The following HPSE2 variants were observed in gnomAD, a reference collection of about 807,000 sequenced individuals.
HPSE2 encodes the protein inactive heparanase-2.
In HPSE2, 38 loss-of-function variants were observed where a neutral mutation model predicts 60.5. The ratio of observed to expected loss-of-function variants is 0.63; its 90% CI spans 0.48 to 0.82. HPSE2 has a LOEUF of 0.82. Among genes scored for constraint, HPSE2 ranks in the 40% least tolerant of loss-of-function variants. HPSE2 has a pLI of 0.00. For synonymous variants in HPSE2, 295 were observed against 293.2 expected, an observed-to-expected ratio of 1.01 and a Z score of -0.06; for missense variants, 713 against 740.4, an observed-to-expected ratio of 0.96 and a Z score of 0.43.
chr10:99,295,917 A>G, the HPSE2 span, among the ~76,000 whole-genome samples: 1 of 152,250 alleles, frequency 6.6e-6, no homozygotes, highest in African/African-American at 2.4e-5. Flanking sequence ...ACAGGCCAGC[A>G]TAACCTTTAG....
At chr10:99,087,044 T>C (rs1377180686) in intron 3 of HPSE2, among the ~76,000 whole-genome samples, 3 of 152,198 alleles carry the variant, frequency 2.0e-5, no homozygotes, top group Admixed American at 6.5e-5. Context: ...AAGCTAAAAT[T>C]ATAGAATGAA....
chr10:99,248,500 A>G, the HPSE2 span, among the ~76,000 whole-genome samples: 11 of 152,350 alleles, frequency 7.2e-5, no homozygotes, highest in Middle Eastern at 3.4e-3. Flanking sequence ...ATGCACACTC[A>G]TGAGCAAAAA....
At chr10:98,791,833 T>C (rs931781091) in intron 3 of HPSE2, among the ~76,000 whole-genome samples, 4 of 152,238 alleles carry the variant, frequency 2.6e-5, no homozygotes, top group Non-Finnish European at 4.4e-5. Flanking sequence ...AGTTTTCTGA[T>C]GTATAATTCC....
the HPSE2 span, among the ~76,000 whole-genome samples, chr10:99,306,213 TAA>T: frequency 6.6e-6 from 1 of 152,184 alleles, no homozygotes. Context: ...GAGGATTTTC[TAA>T]AAGTGATGAA....
intron 9 of HPSE2, among the ~76,000 whole-genome samples, chr10:98,547,568 C>T (rs1330795411): frequency 2.8e-5 from 4 of 143,410 alleles, no homozygotes; most frequent in Admixed American, 7.3e-5. Flanking sequence ...AAAAACCAAA[C>T]ACCGCATGTT....
intron 3 of HPSE2, among the ~76,000 whole-genome samples, chr10:98,769,194 G>T (rs1390067148): frequency 1.3e-5 from 2 of 152,082 alleles, no homozygotes; most frequent in Non-Finnish European, 2.9e-5. Flanking sequence ...TGGAAGATTG[G>T]GAAGAATTCT....
the HPSE2 span, among the ~76,000 whole-genome samples, chr10:99,244,608 A>G: frequency 1.1e-4 from 13 of 116,150 alleles, no homozygotes; most frequent in African/African-American, 4.1e-4. Context: ...GCAGGGTCTC[A>G]CCATGTTGCC....
In HPSE2 at chr10:99,203,158, C is replaced by G. The variant is rs537285357; in HGVS notation, c.448+29190G>C. 2.0e-5 allele frequency among the ~76,000 whole-genome samples: 3 copies of G among 151,992 alleles called. No individual in the cohort carries two copies. The East Asian group carries it at 5.9e-4, about 30-fold the overall frequency. Reference sequence around the variant, plus strand: ...ACCCCAGCAGTCCCAGGCTTCAGACCAGCCTCAGCACTAGCCTGGCCCAAC... The same window carrying G: ...ACCCCAGCAGTCCCAGGCTTCAGACGAGCCTCAGCACTAGCCTGGCCCAAC... On this transcript the variant is annotated intron_variant, in intron 2 of 11. Coordinates refer to ENST00000370552, the MANE Select transcript of HPSE2 (RefSeq NM_021828.5).
At chr10:99,074,949 G>A (rs1842910957) in intron 3 of HPSE2, among the ~76,000 whole-genome samples, 1 of 151,668 alleles carries the variant, frequency 6.6e-6, no homozygotes, top group African/African-American at 2.4e-5. Context: ...CCCTTTCTTG[G>A]TTAATCTTGC....
intron 7 of HPSE2, among the ~76,000 whole-genome samples, chr10:98,623,085 T>C (rs1467208226): frequency 1.3e-5 from 2 of 152,190 alleles, no homozygotes; most frequent in Admixed American, 6.5e-5. Flanking sequence ...GGATATTTAA[T>C]GTTTAATTTT....
At chr10:98,881,653 T>C (rs368690647) in intron 3 of HPSE2, among the ~76,000 whole-genome samples, 12 of 152,182 alleles carry the variant, frequency 7.9e-5, no homozygotes, top group African/African-American at 2.6e-4. Flanking sequence ...TATATAACTA[T>C]TGCTTTCTAT....
At chr10:98,635,469 A>G (rs1471949848) in intron 7 of HPSE2, among the ~76,000 whole-genome samples, 2 of 152,214 alleles carry the variant, frequency 1.3e-5, no homozygotes, top group Admixed American at 6.5e-5. Context: ...AAGTTATGAA[A>G]TCAACCTGTC....
At chr10:99,246,142 T>G in the HPSE2 span, among the ~76,000 whole-genome samples, 1 of 152,128 alleles carries the variant, frequency 6.6e-6, no homozygotes, top group African/African-American at 2.4e-5. Flanking sequence ...AGATAGTTGT[T>G]GAAAGAAAAA....
At chr10:98,782,067 G>T in intron 3 of HPSE2, among the ~76,000 whole-genome samples, 1 of 58,744 alleles carries the variant, frequency 1.7e-5, no homozygotes, top group Non-Finnish European at 3.2e-5. Context: ...TTAATGTGAA[G>T]TAGAAGTACA....
intron 2 of HPSE2, among the ~76,000 whole-genome samples, chr10:99,172,997 TA>T (rs1221455187): frequency 6.6e-6 from 1 of 152,144 alleles, no homozygotes; most frequent in Non-Finnish European, 1.5e-5. Context: ...AGGATATAAG[TA>T]CATTACACAT....
the HPSE2 span, among the ~76,000 whole-genome samples, chr10:99,306,714 G>C: frequency 6.3e-4 from 96 of 152,114 alleles, no homozygotes; most frequent in African/African-American, 1.9e-3. Context: ...TTGTTTGTTT[G>C]TTTTTTGTTT....
At chr10:99,054,887 T>C (rs550111020) in intron 3 of HPSE2, among the ~76,000 whole-genome samples, 2 of 152,102 alleles carry the variant, frequency 1.3e-5, no homozygotes, top group East Asian at 3.9e-4. Context: ...ATTTTTTGAA[T>C]TTTTTTAGTA....
intron 3 of HPSE2, among the ~76,000 whole-genome samples, chr10:99,081,697 C>T (rs1036832740): frequency 1.3e-5 from 2 of 151,672 alleles, no homozygotes; most frequent in African/African-American, 2.4e-5. Context: ...AGTGCAGTGG[C>T]GTGATCTCGG....
intron 3 of HPSE2, among the ~76,000 whole-genome samples, chr10:99,025,863 C>A (rs1394051496): frequency 8.2e-5 from 11 of 134,346 alleles, no homozygotes; most frequent in African/African-American, 3.0e-4. Context: ...TCACATGTAG[C>A]CCCAAACCTA....
Sources: gnomAD v4.1 joint callset for allele counts (sites outside exome capture counted in the v4.1 genomes callset) on GRCh38, gnomAD v4.1.1 for gene constraint, MANE v1.5 for transcripts, NCBI Gene and HGNC (gene_info 2026-07-23, HGNC 2026-07-21) for gene names.